Variants in RXFP2 observed in about 807,000 individuals in gnomAD.
The protein encoded by RXFP2 is relaxin family peptide receptor 2, also known as relaxin receptor 2.
RXFP2 carries 68 observed loss-of-function variants against 88.6 expected under a neutral mutation model. The observed-to-expected ratio is 0.77, with a 90% CI of 0.63 to 0.94. The LOEUF is 0.94. Among genes scored for constraint, RXFP2 ranks in the 40% least tolerant of loss-of-function variants. The pLI is 0.00. For synonymous variants in RXFP2, 329 were observed against 306.8 expected, an observed-to-expected ratio of 1.07 and a Z score of -0.76; for missense variants, 791 against 893.9, an observed-to-expected ratio of 0.88 and a Z score of 1.47.
intron 5 of RXFP2, among the ~76,000 whole-genome samples, chr13:31,771,485 C>T (rs916641612): frequency 4.6e-5 from 7 of 152,080 alleles, no homozygotes; most frequent in African/African-American, 1.4e-4. Context: ...GAAACCATCC[C>T]CCCTCTCCAT....
intron 2 of RXFP2, among the ~76,000 whole-genome samples, chr13:31,759,162 A>C (rs1872128207): frequency 6.6e-6 from 1 of 151,888 alleles, no homozygotes; most frequent in East Asian, 1.9e-4. Flanking sequence ...ACTGGGACAC[A>C]GTGAGCTCAA....
intron 5 of RXFP2, among the ~76,000 whole-genome samples, chr13:31,770,473 T>C (rs1198154274): frequency 6.6e-6 from 1 of 152,200 alleles, no homozygotes; most frequent in Non-Finnish European, 1.5e-5. Context: ...CATCTTGGGC[T>C]TTCACTGACC....
intron 3 of RXFP2, among the ~76,000 whole-genome samples, chr13:31,764,273 ACAC>A (rs1872446944): frequency 6.6e-6 from 1 of 150,574 alleles, no homozygotes; most frequent in Non-Finnish European, 1.5e-5. Context: ...ACACACACAC[ACAC>A]ACACACACAC....
In RXFP2 at chr13:31,796,099, G is replaced by A. The variant is rs1199873512; in HGVS notation, c.1787-1102G>A. 3.1e-5 allele frequency among the ~76,000 whole-genome samples: 4 copies of A among 128,900 alleles called. No homozygotes were observed. In the Admixed American group the frequency reaches 3.5e-4, roughly 11 times the overall value. 84.6% of individuals were successfully genotyped at this position (128,900 alleles called of 152,430 possible). ...GAGTCTTGCTCTGTCGCCCAGGCTG[G>A]AGTGCAGTGGCGCAATCTCGGCTCA... is the stretch of plus-strand genomic sequence containing the variant. On this transcript the variant is annotated intron_variant, in intron 16 of 17. Transcript: ENST00000298386.
intron 1 of RXFP2, among the ~76,000 whole-genome samples, chr13:31,740,665 T>C (rs2138375347): frequency 6.6e-6 from 1 of 152,122 alleles, no homozygotes; most frequent in African/African-American, 2.4e-5. Flanking sequence ...ACAAAAGATT[T>C]TTAAAAGGCT....
At chr13:31,768,696 A>G (rs888045797) in intron 5 of RXFP2, among the ~76,000 whole-genome samples, 13 of 152,142 alleles carry the variant, frequency 8.5e-5, no homozygotes, top group Non-Finnish European at 1.5e-5. Flanking sequence ...CTTTATACTC[A>G]AATATCCTAG....
chr13:31,772,939 C>T (rs1330608341), intron 5 of RXFP2, among the ~76,000 whole-genome samples: 5 of 152,204 alleles, frequency 3.3e-5, no homozygotes, highest in Non-Finnish European at 7.3e-5. Flanking sequence ...TTGAATTTCT[C>T]ATCTTGAATA....
chr13:31,761,416 A>G (rs1000319940), intron 2 of RXFP2, among the ~76,000 whole-genome samples: 2 of 152,230 alleles, frequency 1.3e-5, no homozygotes, highest in African/African-American at 4.8e-5. Context: ...CCTCAAAATT[A>G]AAGTCAAACA....
Position 31,775,387 on chromosome 13 carries a change from G to A in RXFP2, c.639G>A (p.Trp213Ter), listed in dbSNP as rs1288653616. 6.2e-7 allele frequency: 1 copy of A among 1,606,906 alleles called. No homozygotes were observed. Among genetic ancestry groups the A allele is most frequent in the Non-Finnish European group, 8.5e-7 (1 of 1,173,518 alleles). The change falls in exon 7 of 18, where the codon TGG becomes TGA. Residue 213 changes from tryptophan (W) to a stop codon, truncating the protein, a stop_gained and splice_region_variant. Transcript: ENST00000298386. LOFTEE classifies it high-confidence loss of function. ...GIFKDLHQLT[W>*]LILDDNPITR... The stretch of plus-strand genomic sequence containing the variant: ...TCAAAGACTTACATCAGCTAACTTG[G>A]CTGTAAGTACTCTAATTCTTCTTTC...
At position 31,758,395 on chromosome 13, in the gene RXFP2, G is replaced by A; in HGVS notation, c.232G>A (p.Glu78Lys). 6.2e-7 allele frequency: 1 copy of A among 1,614,134 alleles called. No homozygotes were observed. Among genetic ancestry groups the A allele is most frequent in the Non-Finnish European group, 8.5e-7 (1 of 1,179,990 alleles). ...TGACTGTGGGAACGGGGCGGACGAA[G>A]AGAACTGTGGTGAGTGCTCCCCTCG... is the stretch of plus-strand genomic sequence containing the variant. Reference protein sequence around the residue: ...KDDCGNGADEENCGDTSGWAT... With the variant: ...KDDCGNGADEKNCGDTSGWAT... Residue 78 changes from glutamate to lysine, a missense_variant, in exon 2 of 18, where the codon GAG becomes AAG. Physicochemically the swap from Glu to Lys is moderately conservative, Grantham distance 56. Transcript: ENST00000298386.
intron 5 of RXFP2, among the ~76,000 whole-genome samples, chr13:31,772,707 A>C (rs1872777057): frequency 1.3e-5 from 2 of 152,204 alleles, no homozygotes; most frequent in Non-Finnish European, 2.9e-5. Context: ...CAGCTAACTA[A>C]ATAGAAGACT....
chr13:31,789,268 A>G, intron 14 of RXFP2, 75 bp downstream of exon 14: 1 of 927,354 alleles, frequency 1.1e-6, no homozygotes, highest in Admixed American at 1.7e-5. Flanking sequence ...TGTCTAATGT[A>G]TCACTGCAAT....
At chr13:31,755,310 A>G (rs1439162505) in intron 1 of RXFP2, among the ~76,000 whole-genome samples, 4 of 152,180 alleles carry the variant, frequency 2.6e-5, no homozygotes, top group African/African-American at 9.7e-5. Flanking sequence ...TAGAATAGCA[A>G]TGATCAAAGC....
At chr13:31,798,115 T>C (rs926356696) in intron 17 of RXFP2, among the ~76,000 whole-genome samples, 1 of 152,202 alleles carries the variant, frequency 6.6e-6, no homozygotes, top group Non-Finnish European at 1.5e-5. Flanking sequence ...TGGGAGTTGA[T>C]CCAAGACAGT....
chr13:31,785,749 A>C (rs2146286), intron 11 of RXFP2, among the ~76,000 whole-genome samples: 2 of 151,816 alleles, frequency 1.3e-5, no homozygotes, highest in Non-Finnish European at 2.9e-5. Context: ...ACTCTTAAAG[A>C]TTCATTTCTT....
In RXFP2 at chr13:31,791,870, G is replaced by A. The variant is rs1257860382; in HGVS notation, c.1210G>A (p.Asp404Asn). ...TGTCCGAATATGTATGCCCTTGACG[G>A]ACGGCATTTCTTCATTTGAGGACCT... is the stretch of plus-strand genomic sequence containing the variant. ...PHVRICMPLTDGISSFEDLLA... is the reference protein window; with the variant it reads ...PHVRICMPLTNGISSFEDLLA... Residue 404 changes from aspartate (D) to asparagine (N), a missense_variant, in exon 15 of 18, where the codon GAC becomes AAC. Physicochemically the swap from Asp to Asn is conservative, Grantham distance 23 (BLOSUM62 1). Transcript: ENST00000298386. The A allele has an allele frequency of 6.2e-7, 1 of 1,614,118 alleles. No individual in the cohort carries two copies. The highest frequency in any genetic ancestry group is 2.2e-5 in the East Asian group (1 of 44,886).
chr13:31,797,442 A>G, intron 17 of RXFP2, 23 bp downstream of exon 17: 1 of 1,549,638 alleles, frequency 6.5e-7, no homozygotes, highest in Non-Finnish European at 8.9e-7. Flanking sequence ...TATCATTCCC[A>G]AGTATAATAC....
At chr13:31,780,376 C>T (rs377552113) in intron 9 of RXFP2, among the ~76,000 whole-genome samples, 51 of 151,942 alleles carry the variant, frequency 3.4e-4, no homozygotes, top group African/African-American at 1.2e-3. Context: ...ACCAAAGTGT[C>T]CTTCTTCGGA....
At position 31,764,707 on chromosome 13, in the gene RXFP2, TACTC is replaced by T. The variant is rs67568040; in HGVS notation, c.320-328_320-325del. ...TGACTCAGTCATATCCATTAAGAAT[TACTC>T]AATCATACAAATGTTTTTCATTGAA... On this transcript the variant is annotated intron_variant, in intron 3 of 17. Transcript: ENST00000298386. 0.31 allele frequency among the ~76,000 whole-genome samples: 47,797 copies of T among 151,860 alleles called. 8,602 individuals carry two copies. Among genetic ancestry groups the T allele is most frequent in the Admixed American group, 0.42 (6,471 of 15,244 alleles).
Sources: gnomAD v4.1 joint callset for allele counts (sites outside exome capture counted in the v4.1 genomes callset) on GRCh38, gnomAD v4.1.1 for gene constraint, MANE v1.5 for transcripts, NCBI Gene and HGNC (gene_info 2026-07-23, HGNC 2026-07-21) for gene names.